The following PPP2R2B variants were observed in gnomAD, a reference collection of about 807,000 sequenced individuals.
PPP2R2B encodes the protein serine/threonine-protein phosphatase 2A 55 kDa regulatory subunit B beta isoform.
Under a neutral mutation model 46.0 loss-of-function variants are expected in PPP2R2B, and 5 were observed. The ratio of observed to expected loss-of-function variants is 0.11; its 90% CI spans 0.06 to 0.23. The LOEUF (loss-of-function observed/expected upper bound fraction) is 0.23, where lower values mean the gene tolerates loss of function less well. Among genes scored for constraint, PPP2R2B ranks in the 10% least tolerant of loss-of-function variants. PPP2R2B has a pLI of 1.00. For missense variants in PPP2R2B, 367 were observed against 575.0 expected (o/e 0.64, Z 3.70); for synonymous variants, 215 against 206.7 (o/e 1.04, Z -0.34).
intron 2 of PPP2R2B, among the ~76,000 whole-genome samples, chr5:146,728,044 T>A (rs2151201865): frequency 1.3e-5 from 2 of 152,136 alleles, no homozygotes; most frequent in African/African-American, 4.8e-5. Flanking sequence ...CAGTTTTCTG[T>A]AATAAGCATG....
chr5:147,063,104 A>G, intron 2 of PPP2R2B, among the ~76,000 whole-genome samples: 1 of 151,950 alleles, frequency 6.6e-6, no homozygotes, highest in African/African-American at 2.4e-5. Flanking sequence ...AGGGAGATAG[A>G]AAAGAAAGAC....
chr5:146,843,599 T>G (rs752570251), intron 2 of PPP2R2B, among the ~76,000 whole-genome samples: 1 of 152,228 alleles, frequency 6.6e-6, no homozygotes, highest in Non-Finnish European at 1.5e-5. Context: ...TCACTGTCTA[T>G]TTTGGCCACA....
In PPP2R2B at chr5:146,690,046, T is replaced by C. The variant is rs141430342; in HGVS notation, c.447+1082A>G. Among the ~76,000 whole-genome samples, 126 of 152,384 alleles carry C rather than the reference T, an allele frequency of 8.3e-4. No individual in the cohort carries two copies. In the East Asian group the frequency reaches 0.022, roughly 27 times the overall value. On this transcript the variant is annotated intron_variant, in intron 5 of 9. Coordinates refer to ENST00000394411, the MANE Select transcript of PPP2R2B (RefSeq NM_181675.4). Reference sequence around the variant, plus strand: ...ACAAGTGAGCTAATTAAGCATACAATGACCATCCCATTTTGGCTTTCAAAC... The same window carrying C: ...ACAAGTGAGCTAATTAAGCATACAACGACCATCCCATTTTGGCTTTCAAAC...
intron 1 of PPP2R2B, among the ~76,000 whole-genome samples, chr5:146,953,090 C>T (rs1751699257): frequency 6.6e-6 from 1 of 152,156 alleles, no homozygotes; most frequent in Non-Finnish European, 1.5e-5. Flanking sequence ...TACTCAGTTA[C>T]ATGCCCTCCT....
At chr5:146,866,617 C>T (rs745774722) in intron 2 of PPP2R2B, among the ~76,000 whole-genome samples, 4 of 148,520 alleles carry the variant, frequency 2.7e-5, no homozygotes, top group Non-Finnish European at 3.0e-5. Context: ...TATACACACA[C>T]GCAGATACAT....
chr5:146,902,391 G>A (rs1265401498), intron 1 of PPP2R2B, among the ~76,000 whole-genome samples: 3 of 151,870 alleles, frequency 2.0e-5, no homozygotes, highest in South Asian at 2.1e-4. Flanking sequence ...CTTTTATTAC[G>A]ACTCATCTAA....
intron 1 of PPP2R2B, among the ~76,000 whole-genome samples, chr5:146,995,719 A>G (rs746809032): frequency 3.3e-5 from 5 of 152,198 alleles, no homozygotes; most frequent in South Asian, 2.1e-4. Flanking sequence ...TTAAGAATAC[A>G]TAAGAGATAA....
At chr5:146,891,483 T>C (rs1762489490) in intron 1 of PPP2R2B, among the ~76,000 whole-genome samples, 1 of 152,206 alleles carries the variant, frequency 6.6e-6, no homozygotes, top group African/African-American at 2.4e-5. Flanking sequence ...GTTAGCAGAT[T>C]TGCTCTTTTT....
At chr5:147,006,005 C>A (rs1424061064) in intron 1 of PPP2R2B, among the ~76,000 whole-genome samples, 1 of 152,144 alleles carries the variant, frequency 6.6e-6, no homozygotes, top group Non-Finnish European at 1.5e-5. Context: ...CCACTGACAA[C>A]CCATAGCCTT....
Position 146,698,149 on chromosome 5 carries a change from A to C in PPP2R2B, c.169-5T>G. On this transcript the variant is annotated splice_polypyrimidine_tract_variant and splice_region_variant and intron_variant, in intron 3 of 9. Coordinates refer to ENST00000394411, the MANE Select transcript of PPP2R2B (RefSeq NM_181675.4). ...ACGATGAACCTGATTTTTACTCTGT[A>C]GGAAAGGAAAAAAATACACAACAGA... 6.3e-7 allele frequency: 1 copy of C among 1,577,738 alleles called. No homozygotes were observed. Among genetic ancestry groups the C allele is most frequent in the Non-Finnish European group, 8.6e-7 (1 of 1,168,018 alleles).
At chr5:146,977,880 G>A (rs1182154258) in intron 1 of PPP2R2B, among the ~76,000 whole-genome samples, 1 of 152,036 alleles carries the variant, frequency 6.6e-6, no homozygotes, top group Non-Finnish European at 1.5e-5. Context: ...TAATCCTTTG[G>A]GTATATACCC....
In PPP2R2B at chr5:146,584,604, C is replaced by T. The variant is rs1770047535; in HGVS notation, c.*5343G>A. 6.6e-6 allele frequency: 1 copy of T among 152,196 alleles called. No individual in the cohort carries two copies. The highest frequency in any genetic ancestry group is 2.4e-5 in the African/African-American group (1 of 41,446). The allele number at this position is 152,196 out of a possible 1,614,324, so 9.4% of individuals were successfully genotyped here. A position where few individuals can be genotyped will look rare whatever the true frequency, so the allele number is the denominator to read the frequency against. On this transcript the variant is annotated 3_prime_UTR_variant, in exon 10 of 10. Transcript: ENST00000394411. The stretch of plus-strand genomic sequence containing the variant: ...CTATAAAAATGGAATAATACATCTA[C>T]CTATCAGGTGATTAACAATGATTTA...
At chr5:146,726,794 A>C (rs572110453) in intron 2 of PPP2R2B, among the ~76,000 whole-genome samples, 35 of 152,286 alleles carry the variant, frequency 2.3e-4, no homozygotes, top group African/African-American at 8.4e-4. Flanking sequence ...TAAATTATCC[A>C]AAGTCGCTTA....
intron 1 of PPP2R2B, among the ~76,000 whole-genome samples, chr5:146,889,863 A>G (rs975508884): frequency 2.0e-5 from 3 of 152,186 alleles, no homozygotes; most frequent in African/African-American, 7.2e-5. Context: ...CTAATCATAC[A>G]TCTGGCAAAG....
At chr5:146,643,410 AT>A (rs1775360098) in intron 6 of PPP2R2B, among the ~76,000 whole-genome samples, 1 of 152,226 alleles carries the variant, frequency 6.6e-6, no homozygotes, top group Admixed American at 6.5e-5. Flanking sequence ...TATACACAGT[AT>A]ATTAGGCAGT....
chr5:147,079,484 A>C (rs1001666415), intron 2 of PPP2R2B, among the ~76,000 whole-genome samples: 2 of 144,258 alleles, frequency 1.4e-5, no homozygotes, highest in African/African-American at 5.0e-5. Flanking sequence ...GTGCAATGGA[A>C]TATTACTCAG....
intron 2 of PPP2R2B, among the ~76,000 whole-genome samples, chr5:146,774,837 A>C (rs1755085002): frequency 6.6e-6 from 1 of 151,856 alleles, no homozygotes; most frequent in Non-Finnish European, 1.5e-5. Context: ...AAAAAAGAAA[A>C]GAGAGAGAAT....
At chr5:146,659,040 T>TA (rs1776523618) in intron 5 of PPP2R2B, among the ~76,000 whole-genome samples, 3 of 17,486 alleles carry the variant, frequency 1.7e-4, no homozygotes, top group African/African-American at 2.3e-4. Context: ...ATAGAAATGA[T>TA]CAAAAACCTT....
intron 2 of PPP2R2B, among the ~76,000 whole-genome samples, chr5:147,079,432 TTTTATATATATACATATATATATA>T (rs1201922010): frequency 1.1e-5 from 1 of 90,782 alleles, no homozygotes; most frequent in African/African-American, 4.1e-5. Context: ...CACACACACA[TTTTATATATATACATATATATATA>T]TATATATATA....
Sources: allele counts gnomAD v4.1 joint callset (sites outside exome capture counted in the v4.1 genomes callset), GRCh38; gene constraint gnomAD v4.1.1; transcripts MANE v1.5; gene names NCBI Gene and HGNC (gene_info 2026-07-23, HGNC 2026-07-21).